The following KLF12 variants were observed in gnomAD, a reference collection of about 807,000 sequenced individuals.
KLF12 encodes the protein Krueppel-like factor 12.
KLF12 carries 9 observed loss-of-function variants against 37.8 expected under a neutral mutation model. That is an observed-to-expected ratio of 0.24 (90% CI 0.14 to 0.42). The LOEUF (loss-of-function observed/expected upper bound fraction) is 0.42. Ranked by LOEUF, KLF12 falls within the 10% of genes least tolerant of loss-of-function variation. The pLI, the probability that KLF12 is intolerant of heterozygous loss-of-function variation, is 1.00. For missense variants in KLF12, 411 were observed against 516.0 expected, an observed-to-expected ratio of 0.80 and a Z score of 1.97; for synonymous variants, 208 against 202.1, an observed-to-expected ratio of 1.03 and a Z score of -0.25.
chr13:73,960,727 T>G (rs1229206925), intron 2 of KLF12, among the ~76,000 whole-genome samples: 1 of 152,226 alleles, frequency 6.6e-6, no homozygotes, highest in Non-Finnish European at 1.5e-5. Context: ...ATATGCTGAA[T>G]CTGTTATACA....
chr13:73,939,646 T>A (rs1403318351), intron 3 of KLF12, among the ~76,000 whole-genome samples: 2 of 152,168 alleles, frequency 1.3e-5, no homozygotes, highest in African/African-American at 4.8e-5. Context: ...CTTTTTCTCC[T>A]GTTTTTCTTC....
At chr13:74,151,634 T>A in the KLF12 span, among the ~76,000 whole-genome samples, 1 of 150,496 alleles carries the variant, frequency 6.6e-6, no homozygotes, top group African/African-American at 2.4e-5. Flanking sequence ...GCCTGGGTGA[T>A]GGAGTGAGAC....
At chr13:73,815,397 G>A (rs59278284) in intron 4 of KLF12, among the ~76,000 whole-genome samples, 1,960 of 152,280 alleles carry the variant, frequency 0.013, 33 homozygotes, top group African/African-American at 0.044. Flanking sequence ...AAAGATAATG[G>A]GCAGCTCACA....
chr13:74,238,562 T>A, the KLF12 span, among the ~76,000 whole-genome samples: 1 of 135,688 alleles, frequency 7.4e-6, no homozygotes, highest in South Asian at 2.2e-4. Flanking sequence ...TGTGAATCCA[T>A]CTGGTCCTGG....
At chr13:73,839,483 C>T (rs1884629466) in intron 4 of KLF12, among the ~76,000 whole-genome samples, 1 of 152,030 alleles carries the variant, frequency 6.6e-6, no homozygotes, top group Non-Finnish European at 1.5e-5. Context: ...CTTTAAAGGA[C>T]AAAGTAATAA....
intron 7 of KLF12, among the ~76,000 whole-genome samples, chr13:73,698,734 C>A (rs1399308128): frequency 6.6e-6 from 1 of 152,150 alleles, no homozygotes; most frequent in African/African-American, 2.4e-5. Flanking sequence ...TGAATAGCTG[C>A]AACATATAAT....
At chr13:73,859,460 C>T (rs977322224) in intron 3 of KLF12, among the ~76,000 whole-genome samples, 7 of 152,132 alleles carry the variant, frequency 4.6e-5, no homozygotes, top group African/African-American at 7.2e-5. Flanking sequence ...AAAGACCTCC[C>T]GTCCTTATTG....
rs1265155497 is a variant in KLF12, at chr13:73,884,140, T to C, written c.124-37767A>G. Among the ~76,000 whole-genome samples, 3 of 152,206 alleles carry C rather than the reference T, an allele frequency of 2.0e-5. No homozygotes were observed. In the East Asian group the frequency reaches 5.8e-4, roughly 29 times the overall value. ...ATTATGTCTCGAAATAAGATGGAAC[T>C]CTTTCTCATCTGGAAGGAAGATATT... On this transcript the variant is annotated intron_variant, in intron 3 of 7. Transcript: ENST00000377669.
chr13:74,135,387 G>A (rs1275471835), upstream of KLF12, among the ~76,000 whole-genome samples: 3 of 151,944 alleles, frequency 2.0e-5, no homozygotes, highest in Admixed American at 6.5e-5. Context: ...AGAAGCGGAC[G>A]GCCCGGAGCC....
the KLF12 span, among the ~76,000 whole-genome samples, chr13:74,235,979 T>C: frequency 2.0e-5 from 3 of 150,974 alleles, no homozygotes; most frequent in African/African-American, 7.3e-5. Flanking sequence ...AGTTTTAGGG[T>C]ACATGTGCAC....
At chr13:74,176,900 T>C in the KLF12 span, among the ~76,000 whole-genome samples, 1 of 152,190 alleles carries the variant, frequency 6.6e-6, no homozygotes, top group East Asian at 1.9e-4. Flanking sequence ...TTAATAAATA[T>C]TGAATTAATT....
intron 3 of KLF12, among the ~76,000 whole-genome samples, chr13:73,896,458 C>G (rs1887775408): frequency 6.6e-6 from 1 of 152,042 alleles, no homozygotes; most frequent in Non-Finnish European, 1.5e-5. Flanking sequence ...ATGAACCCTG[C>G]TACAGTGTCA....
At chr13:73,939,150 G>C (rs1007116428) in intron 3 of KLF12, among the ~76,000 whole-genome samples, 3 of 152,184 alleles carry the variant, frequency 2.0e-5, no homozygotes, top group Non-Finnish European at 2.9e-5. Flanking sequence ...CTTGCAGTTA[G>C]TGTAGACACT....
At chr13:74,052,838 CTCA>C (rs1593860192) in intron 1 of KLF12, among the ~76,000 whole-genome samples, 2 of 152,150 alleles carry the variant, frequency 1.3e-5, no homozygotes, top group East Asian at 3.9e-4. Flanking sequence ...GTATCATCTC[CTCA>C]TTTCTGCCTC....
chr13:74,290,915 A>G, the KLF12 span, among the ~76,000 whole-genome samples: 1 of 152,260 alleles, frequency 6.6e-6, no homozygotes, highest in Non-Finnish European at 1.5e-5. Context: ...TGAACAAACA[A>G]ACAGTTGGAC....
intron 1 of KLF12, among the ~76,000 whole-genome samples, chr13:74,031,376 T>C (rs778783231): frequency 1.2e-4 from 19 of 152,268 alleles, no homozygotes; most frequent in South Asian, 4.1e-4. Flanking sequence ...TTGAGTGAAG[T>C]AGACAAAATC....
chr13:74,287,387 A>AGAGAGAGG, the KLF12 span, among the ~76,000 whole-genome samples: 5 of 151,478 alleles, frequency 3.3e-5, no homozygotes, highest in Admixed American at 3.3e-4. Flanking sequence ...AGAGAGAGAG[A>AGAGAGAGG]GAGAGAGAAT....
intron 5 of KLF12, among the ~76,000 whole-genome samples, chr13:73,799,900 C>T (rs887133994): frequency 1.3e-5 from 2 of 151,970 alleles, no homozygotes; most frequent in African/African-American, 2.4e-5. Flanking sequence ...AATTGAAGAC[C>T]GCAACACTTT....
intron 3 of KLF12, among the ~76,000 whole-genome samples, chr13:73,930,208 A>T (rs1463719328): frequency 1.3e-5 from 2 of 152,224 alleles, no homozygotes; most frequent in African/African-American, 4.8e-5. Flanking sequence ...CAGAAACTTG[A>T]ATTTTTTCCC....
Sources: gnomAD v4.1 joint callset for allele counts (sites outside exome capture counted in the v4.1 genomes callset) on GRCh38, gnomAD v4.1.1 for gene constraint, MANE v1.5 for transcripts, NCBI Gene and HGNC (gene_info 2026-07-23, HGNC 2026-07-21) for gene names.